The following ZNF568 variants were observed in gnomAD, a reference collection of about 807,000 sequenced individuals.
ZNF568 encodes the protein p53 inhibitor of SCO2 activation.
Under a neutral mutation model 18.1 loss-of-function variants are expected in ZNF568, and 11 were observed. The observed-to-expected ratio is 0.61, with a 90% CI of 0.38 to 1.00. ZNF568 has a LOEUF of 1.00. Ranked by LOEUF, ZNF568 falls within the 50% of genes least tolerant of loss-of-function variation. The probability of loss-of-function intolerance (pLI) is 0.01; values close to 1 mark genes in which losing one functional copy is unlikely to be tolerated. For synonymous variants in ZNF568, 213 were observed against 246.6 expected (o/e 0.86, Z 1.28); for missense variants, 639 against 768.2 (o/e 0.83, Z 1.99).
chr19:36,986,856 C>T (rs10410594), intron 2 of ZNF568, among the ~76,000 whole-genome samples: 26,584 of 152,000 alleles, frequency 0.17, 2,340 homozygotes, highest in Middle Eastern at 0.21. Flanking sequence ...TAGCATTTTC[C>T]GCTCCCCTAA....
intron 5 of ZNF568, 130 bp downstream of exon 5, chr19:36,937,002 C>T (rs187675619): frequency 4.4e-5 from 60 of 1,367,328 alleles, no homozygotes; most frequent in Non-Finnish European, 6.1e-5. Context: ...CTCCACTCTT[C>T]AGTGTTAAAG....
intron 6 of ZNF568, among the ~76,000 whole-genome samples, chr19:36,967,952 A>G (rs1405692054): frequency 6.6e-6 from 1 of 152,208 alleles, no homozygotes; most frequent in Non-Finnish European, 1.5e-5. Context: ...ACAACATGAA[A>G]ATGCATATCT....
intron 6 of ZNF568, 46 bp downstream of exon 6, chr19:36,937,288 T>C: frequency 6.6e-7 from 1 of 1,521,384 alleles, no homozygotes; most frequent in South Asian, 1.1e-5. Context: ...CACATGAGAG[T>C]TGTTCAGTGA....
chr19:36,924,322 G>A (rs1264329760), intron 3 of ZNF568, among the ~76,000 whole-genome samples: 3 of 151,566 alleles, frequency 2.0e-5, no homozygotes, highest in South Asian at 2.1e-4. Context: ...GGGTTCAAGC[G>A]ATTCTCCTGC....
intron 4 of ZNF568, among the ~76,000 whole-genome samples, chr19:36,926,160 A>T (rs1644710): frequency 6.8e-6 from 1 of 147,868 alleles, no homozygotes; most frequent in Non-Finnish European, 1.5e-5. Flanking sequence ...TCTGATATCC[A>T]TAGCTTTTCA....
In ZNF568 at chr19:36,960,840, C is replaced by T. The variant is rs2074143441; in HGVS notation, c.359-13580C>T. On this transcript the variant is annotated intron_variant, in intron 6 of 7. Coordinates refer to the ZNF568 transcript ENST00000427117. The stretch of plus-strand genomic sequence containing the variant: ...ATTTATTGGTATAGTTTCCAAAGTT[C>T]CTCTTGGTGTTAATCTCTAGTTTTA... Among the ~76,000 whole-genome samples, 11 of 151,424 alleles carry T rather than the reference C, an allele frequency of 7.3e-5. No individual in the cohort carries two copies. The South Asian group carries it at 2.3e-3, about 32-fold the overall frequency.
chr19:36,926,288 G>T (rs1250058004), intron 4 of ZNF568, among the ~76,000 whole-genome samples: 1 of 151,962 alleles, frequency 6.6e-6, no homozygotes, highest in Admixed American at 6.6e-5. Flanking sequence ...CCTATATTTT[G>T]AATGTTTTCT....
chr19:36,961,405 A>G (rs2074148823), intron 6 of ZNF568, among the ~76,000 whole-genome samples: 1 of 149,802 alleles, frequency 6.7e-6, no homozygotes, highest in South Asian at 2.1e-4. Context: ...TTCAGTCTAT[A>G]TGTGTCATTA....
rs181139941 is a variant in ZNF568, at chr19:36,997,155, C to G, written c.1068C>G (p.Tyr356Ter). The change falls in exon 5 of 5, where the codon TAC becomes TAG. Residue 356 changes from tyrosine (Y) to a stop codon, truncating the protein, a stop_gained. Transcript: ENST00000433993. LOFTEE classifies it low-confidence loss of function (END_TRUNC). ...AATGCAGGGAGTGTGGAAAGGTGTA[C>G]AGTTGTGCCTCACAGCTGAGTCTAC... 7 of 1,585,182 alleles carry G rather than the reference C, an allele frequency of 4.4e-6. No individual in the cohort carries two copies. The highest frequency in any genetic ancestry group is 6.0e-6 in the Non-Finnish European group (7 of 1,167,698).
chr19:36,951,183 A>T lies in ZNF568; in HGVS notation c.*95A>T. 1 of 1,254,154 alleles carries T rather than the reference A, an allele frequency of 8.0e-7. No homozygotes were observed. Among genetic ancestry groups the T allele is most frequent in the Non-Finnish European group, 1.1e-6 (1 of 937,062 alleles). The allele number at this position is 1,254,154 out of a possible 1,614,324, so 77.7% of individuals were successfully genotyped here. A position where few individuals can be genotyped will look rare whatever the true frequency, so the allele number is the denominator to read the frequency against. On this transcript the variant is annotated 3_prime_UTR_variant, in exon 7 of 7. Coordinates refer to ENST00000333987, the MANE Select transcript of ZNF568 (RefSeq NM_198539.4). ...AGGATCTTTATGGAAAAATTTTAAT[A>T]CTTTGTTAAAAGGTGTAAGACTGGA...
At chr19:36,983,973 A>G (rs1600854022), downstream of ZNF568, among the ~76,000 whole-genome samples, 1 of 139,252 alleles carries the variant, frequency 7.2e-6, no homozygotes, top group African/African-American at 2.7e-5. Context: ...ATCCCGGCTC[A>G]CTGCAACCTC....
chr19:36,921,465 A>T (rs1447133344), intron 2 of ZNF568, among the ~76,000 whole-genome samples: 6 of 152,104 alleles, frequency 3.9e-5, no homozygotes, highest in Non-Finnish European at 5.9e-5. Flanking sequence ...CCATCCAAAA[A>T]AAAAAAAGAA....
At chr19:36,982,226 T>G (rs1285260511), downstream of ZNF568, among the ~76,000 whole-genome samples, 4 of 152,206 alleles carry the variant, frequency 2.6e-5, no homozygotes, top group African/African-American at 9.6e-5. Flanking sequence ...TTTTGAATGG[T>G]GAATATGGGC....
At chr19:36,997,292 C>T, downstream of ZNF568, 1 of 1,601,704 alleles carries the variant, frequency 6.2e-7, no homozygotes, top group Non-Finnish European at 8.5e-7. Flanking sequence ...GGGGAGAAAC[C>T]CTGTAAGTGT....
In ZNF568 at chr19:36,952,004, AGAT is replaced by A; in HGVS notation, c.*920_*922del. 1.0e-6 allele frequency: 1 copy of A among 955,654 alleles called. No individual in the cohort carries two copies. Among genetic ancestry groups the A allele is most frequent in the Non-Finnish European group, 1.2e-6 (1 of 808,686 alleles). The allele number at this position is 955,654 out of a possible 1,614,324, so 59.2% of individuals were successfully genotyped here. The stretch of plus-strand genomic sequence containing the variant: ...AACTGTGAAACCATTGGGAGAAAAT[AGAT>A]GATATTGTCTATGACGTTGAGGCCA... On this transcript the variant is annotated 3_prime_UTR_variant, in exon 7 of 7. Coordinates refer to ENST00000333987, the MANE Select transcript of ZNF568 (RefSeq NM_198539.4).
chr19:36,957,196 C>T (rs1416348280), downstream of ZNF568, among the ~76,000 whole-genome samples: 1 of 148,244 alleles, frequency 6.7e-6, no homozygotes, highest in African/African-American at 2.5e-5. Flanking sequence ...ATCTCAAGGC[C>T]CCCTAGGGAT....
intron 2 of ZNF568, among the ~76,000 whole-genome samples, chr19:36,986,824 G>T (rs2075635877): frequency 6.6e-6 from 1 of 152,136 alleles, no homozygotes; most frequent in African/African-American, 2.4e-5. Context: ...GCTGTGATCT[G>T]CAGTGACAAA....
At chr19:36,953,713 A>G (rs1480256965), downstream of ZNF568, among the ~76,000 whole-genome samples, 1 of 152,052 alleles carries the variant, frequency 6.6e-6, no homozygotes, top group Non-Finnish European at 1.5e-5. Context: ...GGAATTCAAG[A>G]CCAGTCTGGT....
intron 6 of ZNF568, among the ~76,000 whole-genome samples, chr19:36,960,111 T>C (rs917954588): frequency 2.3e-4 from 14 of 59,654 alleles, no homozygotes; most frequent in Non-Finnish European, 3.8e-4. Flanking sequence ...ATTGTTCTAC[T>C]TTTTTTTTTT....
Sources: allele counts gnomAD v4.1 joint callset (sites outside exome capture counted in the v4.1 genomes callset), GRCh38; gene constraint gnomAD v4.1.1; transcripts MANE v1.5; gene names NCBI Gene and HGNC (gene_info 2026-07-23, HGNC 2026-07-21).